Variants in PES1 observed in about 807,000 individuals in gnomAD.
PES1 encodes the protein pescadillo homolog.
A neutral mutation model predicts 77.1 loss-of-function variants in PES1; 31 were observed. The observed-to-expected ratio is 0.40, with a 90% CI of 0.30 to 0.54. The LOEUF (loss-of-function observed/expected upper bound fraction) is 0.54. Ranked by LOEUF, PES1 falls within the 20% of genes least tolerant of loss-of-function variation. PES1 has a pLI of 0.45. For missense variants in PES1, 658 were observed against 771.7 expected (o/e 0.85, Z 1.75); for synonymous variants, 282 against 303.0 (o/e 0.93, Z 0.72).
chr22:30,598,684 C>G (rs894996912), intron 2 of PES1, among the ~76,000 whole-genome samples: 7 of 152,078 alleles, frequency 4.6e-5, no homozygotes, highest in Non-Finnish European at 1.0e-4. Flanking sequence ...GCACCTCGGC[C>G]TCCCAAAGTG....
upstream of PES1, chr22:30,592,186 C>A (rs2146482971): frequency 1.8e-6 from 2 of 1,083,298 alleles, no homozygotes; most frequent in East Asian, 6.1e-5. Flanking sequence ...CGGAGAGGGG[C>A]GGAAGGCTTA....
upstream of PES1, chr22:30,591,949 G>T: frequency 1.4e-6 from 2 of 1,437,732 alleles, no homozygotes; most frequent in Non-Finnish European, 1.8e-6. Flanking sequence ...CTGTTTGTGC[G>T]GGCTGCCCAA....
chr22:30,602,931 GA>G (rs2087379760), intron 2 of PES1, among the ~76,000 whole-genome samples: 1 of 152,110 alleles, frequency 6.6e-6, no homozygotes, highest in African/African-American at 2.4e-5. Context: ...GTGTGTGTGA[GA>G]AGGAGTCTCG....
intron 4 of PES1, among the ~76,000 whole-genome samples, chr22:30,586,279 G>A (rs1261264799): frequency 1.3e-5 from 2 of 152,200 alleles, no homozygotes; most frequent in East Asian, 3.9e-4. Context: ...GCTCGGGCTA[G>A]GAAATACCCT....
At chr22:30,598,085 G>C (rs561064930) in intron 2 of PES1, among the ~76,000 whole-genome samples, 1 of 151,874 alleles carries the variant, frequency 6.6e-6, no homozygotes, top group Non-Finnish European at 1.5e-5. Context: ...GGGTTTCACC[G>C]TTTTAGCCGG....
intron 2 of PES1, chr22:30,605,431 A>T (rs1373300357): frequency 9.1e-6 from 9 of 984,622 alleles, no homozygotes; most frequent in Non-Finnish European, 1.1e-5. Context: ...ATCAGAAGTG[A>T]CTCTCTGGAA....
intron 2 of PES1, among the ~76,000 whole-genome samples, chr22:30,604,964 A>G (rs530650991): frequency 6.6e-6 from 1 of 152,170 alleles, no homozygotes; most frequent in African/African-American, 2.4e-5. Flanking sequence ...AAATAGCACT[A>G]CCCCTGACCA....
At chr22:30,606,979 G>T in exon 1 of PES1, 1 of 761,824 alleles carries the variant, frequency 1.3e-6, no homozygotes, top group Non-Finnish European at 1.8e-6. Flanking sequence ...TGACAGATCA[G>T]GCATCAGGCC....
chr22:30,590,946 A>G (rs1160762140), intron 1 of PES1, among the ~76,000 whole-genome samples: 1 of 152,222 alleles, frequency 6.6e-6, no homozygotes, highest in Non-Finnish European at 1.5e-5. Context: ...TACTCAATGT[A>G]GTGTGTTGGG....
At chr22:30,596,221 A>G (rs566465686), upstream of PES1, among the ~76,000 whole-genome samples, 5 of 152,128 alleles carry the variant, frequency 3.3e-5, no homozygotes, top group Non-Finnish European at 7.4e-5. Context: ...TGTTGAGATA[A>G]AACTCTTTAC....
upstream of PES1, among the ~76,000 whole-genome samples, chr22:30,592,841 C>T (rs1018112026): frequency 9.9e-5 from 15 of 151,346 alleles, no homozygotes; most frequent in African/African-American, 3.7e-4. Flanking sequence ...TCAACATATT[C>T]GAGCTTTTAA....
In PES1 at chr22:30,579,766, G is replaced by T; in HGVS notation, c.1339C>A (p.Arg447=). 6.2e-7 allele frequency: 1 copy of T among 1,613,836 alleles called. No homozygotes were observed. The highest frequency in any genetic ancestry group is 8.5e-7 in the Non-Finnish European group (1 of 1,179,972). Residue 447 remains arginine, a synonymous_variant, in exon 12 of 15, where the codon CGG becomes AGG. Transcript: ENST00000354694. ...TCCCGCTCACCTGGGTCCTCTCCCC[G>T]CTGCAGAGCCAGCAGCTTCAGCTTC... is the stretch of plus-strand genomic sequence containing the variant. The part of the protein sequence containing the change: ...PEKLKLLALQ[R]GEDPGNLNES...
chr22:30,577,132 G>A lies in PES1; in HGVS notation c.1684-3C>T. 1 of 1,613,770 alleles carries A rather than the reference G, an allele frequency of 6.2e-7. No homozygotes were observed. Among genetic ancestry groups the A allele is most frequent in the Non-Finnish European group, 8.5e-7 (1 of 1,179,904 alleles). The stretch of plus-strand genomic sequence containing the variant: ...CGCTTCTCCGCCAGCTTGTTGGCCT[G>A]TGAGGGGGAAGGCGAAGGTCAGGCT... On this transcript the variant is annotated splice_region_variant and splice_polypyrimidine_tract_variant and intron_variant, in intron 14 of 14. Transcript: ENST00000354694.
intron 1 of PES1, 155 bp downstream of exon 1, chr22:30,591,655 T>C: frequency 1.3e-6 from 1 of 752,346 alleles, no homozygotes; most frequent in South Asian, 1.9e-5. Flanking sequence ...CTGCCATCCT[T>C]GTCCATTCTC....
At chr22:30,603,836 C>A (rs1172974460) in intron 2 of PES1, 2 of 152,022 alleles carry the variant, frequency 1.3e-5, no homozygotes, top group African/African-American at 4.8e-5. Flanking sequence ...TAGGCTAGTC[C>A]TCGCCAAGTC....
At chr22:30,579,071 T>C in intron 13 of PES1, 66 bp downstream of exon 13, 1 of 1,603,698 alleles carries the variant, frequency 6.2e-7, no homozygotes, top group Non-Finnish European at 8.5e-7. Context: ...CCTGACCTTC[T>C]AGGCCAGAGC....
chr22:30,582,018 C>G (rs553472701), intron 6 of PES1, among the ~76,000 whole-genome samples: 15 of 152,242 alleles, frequency 9.9e-5, no homozygotes, highest in Admixed American at 3.9e-4. Flanking sequence ...CTAGCTCAGA[C>G]TCGGACAGAC....
chr22:30,595,574 T>G (rs1337641782), upstream of PES1, among the ~76,000 whole-genome samples: 2 of 151,080 alleles, frequency 1.3e-5, no homozygotes, highest in East Asian at 3.9e-4. Context: ...TCTTGGAGAC[T>G]TTATTTCTTC....
At chr22:30,603,491 C>T (rs1021300005) in intron 2 of PES1, among the ~76,000 whole-genome samples, 1 of 152,098 alleles carries the variant, frequency 6.6e-6, no homozygotes, top group Non-Finnish European at 1.5e-5. Context: ...AAGCAATTCT[C>T]CCGCCTCAAC....
Sources: gnomAD v4.1 joint callset for allele counts (sites outside exome capture counted in the v4.1 genomes callset) on GRCh38, gnomAD v4.1.1 for gene constraint, MANE v1.5 for transcripts, NCBI Gene and HGNC (gene_info 2026-07-23, HGNC 2026-07-21) for gene names.